The following GRIN2B variants were observed in gnomAD, a reference collection of about 807,000 sequenced individuals.
GRIN2B encodes the protein glutamate receptor ionotropic, NMDA 2B.
GRIN2B carries 5 observed loss-of-function variants against 114.5 expected under a neutral mutation model. That is an observed-to-expected ratio of 0.04 (90% CI 0.02 to 0.09). GRIN2B has a LOEUF of 0.09. GRIN2B is among the 10% of genes least tolerant of loss of function. The pLI is 1.00. For missense variants in GRIN2B, 1,108 were observed against 1,943.5 expected (o/e 0.57, Z 8.08); for synonymous variants, 787 against 745.1 (o/e 1.06, Z -0.92).
At chr12:13,762,879 T>G (rs1222991585) in intron 3 of GRIN2B, among the ~76,000 whole-genome samples, 1 of 152,202 alleles carries the variant, frequency 6.6e-6, no homozygotes, top group African/African-American at 2.4e-5. Flanking sequence ...GAGAAAGTTT[T>G]TTTTTTGTTT....
chr12:13,622,609 A>AT (rs971598346), intron 5 of GRIN2B, among the ~76,000 whole-genome samples: 8 of 151,378 alleles, frequency 5.3e-5, no homozygotes, highest in Non-Finnish European at 1.2e-4. Flanking sequence ...TGGGTAATTT[A>AT]TTTTTTTTTA....
In GRIN2B at chr12:13,555,984, A is replaced by C. The variant is rs1446322441; in HGVS notation, c.*6799T>G. On this transcript the variant is annotated 3_prime_UTR_variant, in exon 14 of 14. Coordinates refer to ENST00000609686, the MANE Select transcript of GRIN2B (RefSeq NM_000834.5). ...GGTGTAGTGAGATGGCAAGAGGAAA[A>C]AGGAATTGCCGGTGAGAATATTGCT... 1 of 152,194 alleles carries C rather than the reference A, an allele frequency of 6.6e-6. No individual in the cohort carries two copies. Among genetic ancestry groups the C allele is most frequent in the African/African-American group, 2.4e-5 (1 of 41,422 alleles). 9.4% of individuals were successfully genotyped at this position (152,194 alleles called of 1,614,324 possible). A position where few individuals can be genotyped will look rare whatever the true frequency, so the allele number is the denominator to read the frequency against.
chr12:13,939,577 C>T (rs1159476356), intron 2 of GRIN2B, among the ~76,000 whole-genome samples: 1 of 97,440 alleles, frequency 1.0e-5, no homozygotes, highest in Non-Finnish European at 1.9e-5. Flanking sequence ...CTTTTTGAGA[C>T]AAGGTCTTAG....
At chr12:13,623,996 G>C (rs1394660075) in intron 5 of GRIN2B, among the ~76,000 whole-genome samples, 1 of 152,092 alleles carries the variant, frequency 6.6e-6, no homozygotes, top group East Asian at 1.9e-4. Flanking sequence ...CCCTTGCCAT[G>C]TTTCAGGAAT....
At chr12:13,689,157 C>T (rs2136555172) in intron 4 of GRIN2B, among the ~76,000 whole-genome samples, 1 of 152,290 alleles carries the variant, frequency 6.6e-6, no homozygotes, top group South Asian at 2.1e-4. Flanking sequence ...TAGTCCAATT[C>T]TTCTCCTCCA....
intron 3 of GRIN2B, among the ~76,000 whole-genome samples, chr12:13,800,038 G>A (rs931310841): frequency 2.6e-5 from 4 of 152,120 alleles, no homozygotes; most frequent in African/African-American, 9.7e-5. Context: ...AATAGAAAGA[G>A]CTCTAATAAT....
At chr12:13,819,636 T>C (rs983001752) in intron 3 of GRIN2B, among the ~76,000 whole-genome samples, 1 of 152,146 alleles carries the variant, frequency 6.6e-6, no homozygotes, top group Non-Finnish European at 1.5e-5. Context: ...CACATAAACA[T>C]TTCTCCCACA....
chr12:13,704,285 C>A (rs142930723), intron 4 of GRIN2B, among the ~76,000 whole-genome samples: 1 of 151,872 alleles, frequency 6.6e-6, no homozygotes, highest in Non-Finnish European at 1.5e-5. Context: ...CCAGGGCTTG[C>A]GGGAAAACTC....
chr12:13,686,314 C>A (rs993043367), intron 4 of GRIN2B, among the ~76,000 whole-genome samples: 1 of 152,022 alleles, frequency 6.6e-6, no homozygotes, highest in African/African-American at 2.4e-5. Flanking sequence ...TTCTTCAAAC[C>A]AAACCCCATT....
chr12:13,611,269 A>C (rs1949362663), intron 9 of GRIN2B, among the ~76,000 whole-genome samples: 1 of 152,162 alleles, frequency 6.6e-6, no homozygotes, highest in Non-Finnish European at 1.5e-5. Flanking sequence ...CTGGTACCTC[A>C]GTTGTGATCC....
intron 2 of GRIN2B, among the ~76,000 whole-genome samples, chr12:13,887,241 T>A (rs1866177977): frequency 6.6e-6 from 1 of 152,214 alleles, no homozygotes; most frequent in Non-Finnish European, 1.5e-5. Context: ...CAGATGTGAA[T>A]AAGGGGCTTC....
Position 13,540,341 on chromosome 12 carries a change from C to A in GRIN2B, c.*22442G>T, listed in dbSNP as rs1334772510. ...AGAAAGAATCTTTGACTATTTACAGCTTTTATACATCACAAAGTTTTTCTT... is the reference window on the plus strand; with the variant it reads ...AGAAAGAATCTTTGACTATTTACAGATTTTATACATCACAAAGTTTTTCTT... On this transcript the variant is annotated 3_prime_UTR_variant, in exon 14 of 14. Transcript: ENST00000609686. 1 of 151,948 alleles carries A rather than the reference C, an allele frequency of 6.6e-6. No individual in the cohort carries two copies. Among genetic ancestry groups the A allele is most frequent in the African/African-American group, 2.4e-5 (1 of 41,372 alleles). The allele number at this position is 151,948 out of a possible 1,614,324, so 9.4% of individuals were successfully genotyped here.
intron 10 of GRIN2B, among the ~76,000 whole-genome samples, chr12:13,574,489 T>C (rs1948748266): frequency 1.3e-5 from 2 of 152,174 alleles, no homozygotes. Flanking sequence ...TCAGTGAAAA[T>C]TGCAATCATG....
intron 4 of GRIN2B, among the ~76,000 whole-genome samples, chr12:13,695,671 G>C (rs1166184883): frequency 6.6e-6 from 1 of 152,206 alleles, no homozygotes; most frequent in Non-Finnish European, 1.5e-5. Flanking sequence ...TGAAGCTTTT[G>C]AACAGGATGC....
Position 13,615,011 on chromosome 12 carries a change from A to G in GRIN2B, c.1654+103T>C, listed in dbSNP as rs1591642476. On this transcript the variant is annotated intron_variant, in intron 8 of 13. Coordinates refer to ENST00000609686, the MANE Select transcript of GRIN2B (RefSeq NM_000834.5). The surrounding 1 kb of genome is among the most constrained non-coding windows in gnomAD (Gnocchi z 5.8). ...CCTGGCTGAGTTGAGCTCCTAGCAA[A>G]CCACCTTCTAGCTGGAACAGCCTGG... is the stretch of plus-strand genomic sequence containing the variant. 4 of 1,084,202 alleles carry G rather than the reference A, an allele frequency of 3.7e-6. No homozygotes were observed. In the East Asian group the frequency reaches 9.4e-5, roughly 26 times the overall value. 67.2% of individuals were successfully genotyped at this position (1,084,202 alleles called of 1,614,324 possible).
intron 10 of GRIN2B, among the ~76,000 whole-genome samples, chr12:13,595,888 T>C (rs1012688745): frequency 1.6e-4 from 24 of 152,124 alleles, no homozygotes; most frequent in Admixed American, 2.6e-4. Flanking sequence ...AAGCAGAAAA[T>C]TGCTCAGTGC....
intron 2 of GRIN2B, among the ~76,000 whole-genome samples, chr12:13,918,179 A>G (rs1228137054): frequency 6.6e-6 from 1 of 152,198 alleles, no homozygotes; most frequent in Admixed American, 6.5e-5. Flanking sequence ...CTGGACCTTA[A>G]TTTTCTAACC....
chr12:13,835,771 TAAAAAAAAAAA>T (rs1165005583), intron 3 of GRIN2B, among the ~76,000 whole-genome samples: 3 of 91,494 alleles, frequency 3.3e-5, no homozygotes, highest in South Asian at 3.8e-4. Flanking sequence ...CATAGCACAT[TAAAAAAAAAAA>T]AAAAAAAAAA....
chr12:13,637,579 A>G (rs1036366263), intron 5 of GRIN2B, among the ~76,000 whole-genome samples: 11 of 152,154 alleles, frequency 7.2e-5, no homozygotes, highest in Non-Finnish European at 1.5e-4. Context: ...ACTTGCAGCA[A>G]AAAATAGTCC....
Sources: gnomAD v4.1 joint callset for allele counts (sites outside exome capture counted in the v4.1 genomes callset) on GRCh38, gnomAD v4.1.1 for gene constraint, Gnocchi (gnomAD v3.1) non-coding constraint, MANE v1.5 for transcripts, NCBI Gene and HGNC (gene_info 2026-07-23, HGNC 2026-07-21) for gene names.